SORL1-AS1: variants seen among roughly 807,000 people sequenced by gnomAD.
SORL1-AS1 encodes SORL1 antisense RNA 1.
chr11:121,445,363 G>A (rs1436841406), downstream of SORL1-AS1, among the ~76,000 whole-genome samples: 2 of 152,172 alleles, frequency 1.3e-5, no homozygotes, highest in East Asian at 3.9e-4. Context: ...GGTGAAACAG[G>A]TGCTGGAAGA....
rs1371994827 is a variant in SORL1-AS1, at chr11:121,450,307, T to A, written n.340-408A>T. Among the ~76,000 whole-genome samples the A allele has an allele frequency of 1.3e-5, 2 of 152,194 alleles. No individual in the cohort carries two copies. On this transcript the variant is annotated intron_variant and non_coding_transcript_variant, in intron 1 of 1. Coordinates refer to ENST00000501964, the Ensembl canonical transcript of SORL1-AS1. This position sits in a 1 kb window ranked among gnomAD's most constrained non-coding sequence, Gnocchi z 5.2. ...TAAATGGGAGTAGAGATATCTTTGC[T>A]GCTGGTCCTGAGAGACCATGGGGTT...
chr11:121,448,597 T>G (rs2134752015), exon 2 of SORL1-AS1: 1 of 152,254 alleles, frequency 6.6e-6, no homozygotes, highest in East Asian at 1.9e-4. Flanking sequence ...AGAAAAGATC[T>G]GAGATTCAAC....
downstream of SORL1-AS1, among the ~76,000 whole-genome samples, chr11:121,443,016 C>G (rs933970656): frequency 4.6e-5 from 7 of 151,222 alleles, no homozygotes; most frequent in Admixed American, 1.3e-4. Flanking sequence ...AAAAAAGACT[C>G]AATTGGCATC....
chr11:121,444,515 G>A (rs1381466309), downstream of SORL1-AS1, among the ~76,000 whole-genome samples: 2 of 152,180 alleles, frequency 1.3e-5, no homozygotes, highest in African/African-American at 4.8e-5. Context: ...GGCTTCTGAC[G>A]TCACGCCTCT....
downstream of SORL1-AS1, among the ~76,000 whole-genome samples, chr11:121,442,908 G>A (rs1382053355): frequency 1.3e-5 from 2 of 150,160 alleles, no homozygotes; most frequent in Non-Finnish European, 3.0e-5. Flanking sequence ...TTGATCTCCT[G>A]ACCTCGTGAT....
At chr11:121,451,441 G>A (rs1440453657) in intron 1 of SORL1-AS1, among the ~76,000 whole-genome samples, 1 of 152,176 alleles carries the variant, frequency 6.6e-6, no homozygotes, top group Non-Finnish European at 1.5e-5. Context: ...TTACTGCTGA[G>A]GCAGGGTGGC....
chr11:121,446,000 G>A (rs1860717384), downstream of SORL1-AS1, among the ~76,000 whole-genome samples: 1 of 152,084 alleles, frequency 6.6e-6, no homozygotes, highest in Admixed American at 6.5e-5. Context: ...AGGCCTCTCT[G>A]CCATTCTTTG....
At chr11:121,449,529 T>C (rs1466303476) in exon 2 of SORL1-AS1, 1 of 152,190 alleles carries the variant, frequency 6.6e-6, no homozygotes, top group African/African-American at 2.4e-5. Flanking sequence ...TGTCTTTTCA[T>C]TTAACTTATG....
At chr11:121,447,009 C>T (rs575482496), downstream of SORL1-AS1, among the ~76,000 whole-genome samples, 32 of 152,242 alleles carry the variant, frequency 2.1e-4, no homozygotes, top group Non-Finnish European at 3.2e-4. Flanking sequence ...TGTAATTACA[C>T]GGGGATATTC....
the SORL1-AS1 span, among the ~76,000 whole-genome samples, chr11:121,441,660 C>G: frequency 6.6e-6 from 1 of 152,104 alleles, no homozygotes; most frequent in Admixed American, 6.5e-5. Flanking sequence ...GGCTTGTGCC[C>G]TTTCTCCTTC....
chr11:121,452,534 G>T lies in SORL1-AS1; in HGVS notation n.339+141C>A. 1 of 1,489,540 alleles carries T rather than the reference G, an allele frequency of 6.7e-7. No homozygotes were observed. The highest frequency in any genetic ancestry group is 8.9e-7 in the Non-Finnish European group (1 of 1,125,236). The allele number at this position is 1,489,540 out of a possible 1,614,324, so 92.3% of individuals were successfully genotyped here. A position where few individuals can be genotyped will look rare whatever the true frequency, so the allele number is the denominator to read the frequency against. ...CTGTGGGCGCGCGGGGATGCCAGGG[G>T]GGCGAGCCGCGCGGACGAGAAGCCG... On this transcript the variant is annotated intron_variant and non_coding_transcript_variant, in intron 1 of 1. Coordinates refer to ENST00000501964, the Ensembl canonical transcript of SORL1-AS1. The surrounding 1 kb of genome is among the most constrained non-coding windows in gnomAD (Gnocchi z 5.3).
Position 121,452,256 on chromosome 11 carries a change from C to T in SORL1-AS1, n.339+419G>A, listed in dbSNP as rs1206684330. On this transcript the variant is annotated intron_variant and non_coding_transcript_variant, in intron 1 of 1. Transcript: ENST00000501964. This position sits in a 1 kb window ranked among gnomAD's most constrained non-coding sequence, Gnocchi z 5.3. Reference sequence around the variant, plus strand: ...CCGGGAGCGGCGCGCGCGGTCCCGGCCCAGCGGCTCTCCTGGCCTCGCGCT... The same window carrying T: ...CCGGGAGCGGCGCGCGCGGTCCCGGTCCAGCGGCTCTCCTGGCCTCGCGCT... 8.0e-7 allele frequency: 1 copy of T among 1,253,376 alleles called. No homozygotes were observed. The highest frequency in any genetic ancestry group is 4.0e-5 in the Admixed American group (1 of 25,230). The allele number at this position is 1,253,376 out of a possible 1,614,324, so 77.6% of individuals were successfully genotyped here. A position where few individuals can be genotyped will look rare whatever the true frequency, so the allele number is the denominator to read the frequency against.
At chr11:121,442,659 T>TTA (rs1860670733), downstream of SORL1-AS1, among the ~76,000 whole-genome samples, 1 of 129,622 alleles carries the variant, frequency 7.7e-6, no homozygotes, top group African/African-American at 3.2e-5. Context: ...ATTTATTTAT[T>TTA]TATTTATTTA....
the SORL1-AS1 span, among the ~76,000 whole-genome samples, chr11:121,438,478 T>C: frequency 6.6e-6 from 1 of 152,164 alleles, no homozygotes; most frequent in Non-Finnish European, 1.5e-5. Context: ...GCAATGACTA[T>C]TCTGATTTCT....
chr11:121,438,988 T>C, the SORL1-AS1 span, among the ~76,000 whole-genome samples: 1 of 152,210 alleles, frequency 6.6e-6, no homozygotes, highest in Non-Finnish European at 1.5e-5. Context: ...ACGGCTCCAC[T>C]GCACTCCAGC....
At chr11:121,446,131 A>G (rs1341626438), downstream of SORL1-AS1, among the ~76,000 whole-genome samples, 1 of 151,678 alleles carries the variant, frequency 6.6e-6, no homozygotes, top group African/African-American at 2.4e-5. Context: ...CTCTCTCACC[A>G]CTCCCTTCAC....
chr11:121,448,513 G>A (rs1249288108), exon 2 of SORL1-AS1: 1 of 152,176 alleles, frequency 6.6e-6, no homozygotes, highest in Non-Finnish European at 1.5e-5. Context: ...CTGCTTTAAT[G>A]ACTCTGGTCT....
Position 121,452,449 on chromosome 11 carries a change from G to A in SORL1-AS1, n.339+226C>T. 1 of 1,510,166 alleles carries A rather than the reference G, an allele frequency of 6.6e-7. No individual in the cohort carries two copies. The highest frequency in any genetic ancestry group is 8.8e-7 in the Non-Finnish European group (1 of 1,131,132). 93.5% of individuals were successfully genotyped at this position (1,510,166 alleles called of 1,614,324 possible). ...GACGCAGAGGCTGCACGGCGGCAGCGCGCCCTTGCCCCAGGACCGGGGCTT... is the reference window on the plus strand; with the variant it reads ...GACGCAGAGGCTGCACGGCGGCAGCACGCCCTTGCCCCAGGACCGGGGCTT... On this transcript the variant is annotated intron_variant and non_coding_transcript_variant, in intron 1 of 1. Transcript: ENST00000501964. This position sits in a 1 kb window ranked among gnomAD's most constrained non-coding sequence, Gnocchi z 5.3.
rs1057134353 is a variant in SORL1-AS1, at chr11:121,450,490, T to C, written n.340-591A>G. Among the ~76,000 whole-genome samples the C allele has an allele frequency of 2.6e-5, 4 of 151,820 alleles. No individual in the cohort carries two copies. The highest frequency in any genetic ancestry group is 9.7e-5 in the African/African-American group (4 of 41,352). On this transcript the variant is annotated intron_variant and non_coding_transcript_variant, in intron 1 of 1. Coordinates refer to ENST00000501964, the Ensembl canonical transcript of SORL1-AS1. The surrounding 1 kb of genome is among the most constrained non-coding windows in gnomAD (Gnocchi z 5.2). ...GTATATAATAAATATATATGTTATA[T>C]ATATGAGTTAGAGCTGAATTGCACA...
Sources: allele counts gnomAD v4.1 joint callset (sites outside exome capture counted in the v4.1 genomes callset), GRCh38; gene constraint gnomAD v4.1.1; non-coding constraint Gnocchi (gnomAD v3.1); transcripts MANE v1.5; gene names NCBI Gene and HGNC (gene_info 2026-07-23, HGNC 2026-07-21).